The following ASPHD1 variants were observed in gnomAD, a reference collection of about 807,000 sequenced individuals.
The protein encoded by ASPHD1 is aspartate beta-hydroxylase domain containing 1.
Under a neutral mutation model 28.3 loss-of-function variants are expected in ASPHD1, and 20 were observed. That is an observed-to-expected ratio of 0.71 (90% confidence interval 0.50 to 1.03). ASPHD1 has a LOEUF of 1.03. Among genes scored for constraint, ASPHD1 ranks in the 50% least tolerant of loss-of-function variants. The pLI, the probability that ASPHD1 is intolerant of heterozygous loss-of-function variation, is 0.00. For missense variants in ASPHD1, 479 were observed against 524.1 expected, an observed-to-expected ratio of 0.91 and a Z score of 0.84; for synonymous variants, 240 against 221.2, an observed-to-expected ratio of 1.08 and a Z score of -0.75.
At chr16:29,905,329 G>C (rs1490234221) in intron 2 of ASPHD1, among the ~76,000 whole-genome samples, 1 of 152,064 alleles carries the variant, frequency 6.6e-6, no homozygotes, top group Admixed American at 6.6e-5. Flanking sequence ...TGATGATTAA[G>C]AGTTGATACA....
intron 1 of ASPHD1, among the ~76,000 whole-genome samples, chr16:29,904,311 T>G (rs998318908): frequency 1.3e-5 from 2 of 151,546 alleles, no homozygotes; most frequent in Non-Finnish European, 2.9e-5. Flanking sequence ...CCAGGCGTGG[T>G]GGCAGGCAGC....
downstream of ASPHD1, among the ~76,000 whole-genome samples, chr16:29,910,777 C>A (rs2068693126): frequency 6.6e-6 from 1 of 152,224 alleles, no homozygotes; most frequent in Non-Finnish European, 1.5e-5. Flanking sequence ...AAGCACCCTG[C>A]TCTAACCCGT....
intron 3 of ASPHD1, chr16:29,911,447 T>A (rs1347275725): frequency 1.8e-6 from 1 of 555,414 alleles, no homozygotes; most frequent in African/African-American, 1.9e-5. Flanking sequence ...CCCCATTTTT[T>A]AACTGGGTGA....
chr16:29,901,069 G>A lies in ASPHD1; in HGVS notation c.98G>A (p.Gly33Glu). Residue 33 changes from glycine to glutamate, a missense_variant, in exon 1 of 3, where the codon GGG becomes GAG. Coordinates refer to ENST00000308748, the MANE Select transcript of ASPHD1 (RefSeq NM_181718.4). This position sits in a 1 kb window ranked among gnomAD's most constrained non-coding sequence, Gnocchi z 5.1. ...ATGTGGAAGGGAAACAGTCCAGCGGGGAGCCAGGGGGCAGCCATGGAAGGG... is the reference window on the plus strand; with the variant it reads ...ATGTGGAAGGGAAACAGTCCAGCGGAGAGCCAGGGGGCAGCCATGGAAGGG... Reference protein sequence around the residue: ...SGMWKGNSPAGSQGAAMEGTG... With the variant: ...SGMWKGNSPAESQGAAMEGTG... 6.2e-7 allele frequency: 1 copy of A among 1,610,064 alleles called. No homozygotes were observed.
intron 1 of ASPHD1, among the ~76,000 whole-genome samples, chr16:29,903,958 C>T (rs1001520761): frequency 6.6e-6 from 1 of 151,904 alleles, no homozygotes; most frequent in Non-Finnish European, 1.5e-5. Context: ...GTCAAACTGT[C>T]GAAAGCCCAG....
downstream of ASPHD1, among the ~76,000 whole-genome samples, chr16:29,910,275 GT>G (rs1368166103): frequency 2.6e-5 from 4 of 151,964 alleles, no homozygotes; most frequent in Non-Finnish European, 4.4e-5. Context: ...GCACGTGCCT[GT>G]AGTCCTAGCT....
intron 3 of ASPHD1, among the ~76,000 whole-genome samples, chr16:29,912,827 A>C (rs1453433639): frequency 6.6e-6 from 1 of 152,250 alleles, no homozygotes; most frequent in African/African-American, 2.4e-5. Context: ...CCACCTAGGA[A>C]TAACTACCTA....
rs769590755 is a variant in ASPHD1, at chr16:29,900,922, TAGA to T, written c.-47_-45del. 3.1e-5 allele frequency: 45 copies of T among 1,475,048 alleles called. No individual in the cohort carries two copies. In the South Asian group the frequency reaches 4.2e-4, roughly 14 times the overall value. The allele number at this position is 1,475,048 out of a possible 1,614,324, so 91.4% of individuals were successfully genotyped here. A position where few individuals can be genotyped will look rare whatever the true frequency, so the allele number is the denominator to read the frequency against. ...ACAGAGGGAGAGGAGGAAGAAGAGG[TAGA>T]AGGAGAGAGAAAGGGGAGAGAAAGG... On this transcript the variant is annotated 5_prime_UTR_variant, in exon 1 of 3. Coordinates refer to ENST00000308748, the MANE Select transcript of ASPHD1 (RefSeq NM_181718.4).
intron 3 of ASPHD1, chr16:29,912,126 G>A: frequency 9.9e-7 from 1 of 1,009,876 alleles, no homozygotes; most frequent in Non-Finnish European, 1.5e-6. Flanking sequence ...TTCAAAAGCT[G>A]GTTGGGAACA....
At chr16:29,911,927 G>A in intron 3 of ASPHD1, 1 of 1,608,978 alleles carries the variant, frequency 6.2e-7, no homozygotes, top group South Asian at 1.1e-5. Flanking sequence ...CCCCCCCAGT[G>A]AGCCTCCACC....
chr16:29,903,083 C>T (rs554837413), intron 1 of ASPHD1, among the ~76,000 whole-genome samples: 11 of 150,292 alleles, frequency 7.3e-5, no homozygotes, highest in South Asian at 4.3e-4. Flanking sequence ...AGGCCAGGCG[C>T]GGTGGCTCAC....
intron 3 of ASPHD1, chr16:29,911,197 C>T (rs2068702082): frequency 1.9e-6 from 3 of 1,602,090 alleles, no homozygotes; most frequent in Non-Finnish European, 8.5e-7. Flanking sequence ...GACCAGGAGG[C>T]CTCAGCGCAG....
rs2068602203 is a variant in ASPHD1 at position 29,905,778 on chromosome 16, T to G, written c.1064-10T>G. ...CAGTGGCTCTGCTGTTCCTGTCCCA[T>G]GTGCCCTAGGCTCCCCCGAAGATGG... On this transcript the variant is annotated splice_polypyrimidine_tract_variant and intron_variant, in intron 2 of 2. Transcript: ENST00000308748. 1 of 1,610,430 alleles carries G rather than the reference T, an allele frequency of 6.2e-7. No individual in the cohort carries two copies. The highest frequency in any genetic ancestry group is 1.7e-5 in the Admixed American group (1 of 59,930).
In ASPHD1 at chr16:29,900,658, G is replaced by A. The variant is rs760963041; in HGVS notation, c.-314G>A. ...CGGGGCTAGTGAGGAGCGAGGGCAAGGAGAGAGCAGTGAGGCCGGAGAGAA... is the reference window on the plus strand; with the variant it reads ...CGGGGCTAGTGAGGAGCGAGGGCAAAGAGAGAGCAGTGAGGCCGGAGAGAA... On this transcript the variant is annotated 5_prime_UTR_variant, in exon 1 of 3. Coordinates refer to ENST00000308748, the MANE Select transcript of ASPHD1 (RefSeq NM_181718.4). The A allele has an allele frequency of 5.9e-5, 28 of 474,040 alleles. No individual in the cohort carries two copies. The highest frequency in any genetic ancestry group is 5.7e-4 in the Middle Eastern group (1 of 1,752). The allele number at this position is 474,040 out of a possible 1,614,324, so 29.4% of individuals were successfully genotyped here. A position where few individuals can be genotyped will look rare whatever the true frequency, so the allele number is the denominator to read the frequency against.
chr16:29,912,145 C>G, intron 3 of ASPHD1: 1 of 800,802 alleles, frequency 1.2e-6, no homozygotes, highest in South Asian at 1.5e-5. Flanking sequence ...CAACTCCAGA[C>G]TCCTCAGTGG....
chr16:29,902,291 C>T (rs1023045821), intron 1 of ASPHD1, among the ~76,000 whole-genome samples: 4 of 152,176 alleles, frequency 2.6e-5, no homozygotes, highest in Non-Finnish European at 5.9e-5. Flanking sequence ...TAGCCGGGCG[C>T]GGTGGCCCAT....
In ASPHD1 at chr16:29,901,997, TCTG is replaced by T; in HGVS notation, c.949+81_949+83del. ...CAGACCCTTCTCTCCGCCAGAGCCG[TCTG>T]CTGTCTGGTTCTCATTGTGCCTCTC... is the stretch of plus-strand genomic sequence containing the variant. On this transcript the variant is annotated intron_variant, in intron 1 of 2. Transcript: ENST00000308748. This position sits in a 1 kb window ranked among gnomAD's most constrained non-coding sequence, Gnocchi z 5.1. 1 of 1,198,430 alleles carries T rather than the reference TCTG, an allele frequency of 8.3e-7. No individual in the cohort carries two copies. Among genetic ancestry groups the T allele is most frequent in the Non-Finnish European group, 1.1e-6 (1 of 909,952 alleles). 74.2% of individuals were successfully genotyped at this position (1,198,430 alleles called of 1,614,324 possible).
downstream of ASPHD1, among the ~76,000 whole-genome samples, chr16:29,909,152 CAAGGAACT>C (rs1042381247): frequency 6.6e-6 from 1 of 152,152 alleles, no homozygotes; most frequent in African/African-American, 2.4e-5. Flanking sequence ...GCCCTGCCCT[CAAGGAACT>C]AACACCTCGC....
intron 3 of ASPHD1, among the ~76,000 whole-genome samples, chr16:29,912,769 T>C (rs1302494918): frequency 6.6e-6 from 1 of 152,254 alleles, no homozygotes; most frequent in African/African-American, 2.4e-5. Context: ...CAGCAGTTAG[T>C]GTCTGACTTT....
Sources: gnomAD v4.1 joint callset for allele counts (sites outside exome capture counted in the v4.1 genomes callset) on GRCh38, gnomAD v4.1.1 for gene constraint, Gnocchi (gnomAD v3.1) non-coding constraint, MANE v1.5 for transcripts, NCBI Gene and HGNC (gene_info 2026-07-23, HGNC 2026-07-21) for gene names.